The following MUC3A variants were observed in gnomAD, a reference collection of about 807,000 sequenced individuals.
MUC3A encodes the protein mucin 3A, cell surface associated.
In MUC3A, 109 loss-of-function variants were observed where a neutral mutation model predicts 109.0. The ratio of observed to expected loss-of-function variants is 1.00; its 90% CI spans 0.86 to 1.17. The LOEUF (loss-of-function observed/expected upper bound fraction) is 1.17, where lower values mean the gene tolerates loss of function less well. MUC3A is among the 50% of genes most tolerant of loss of function. The probability of loss-of-function intolerance (pLI) is 0.00; values close to 1 mark genes in which losing one functional copy is unlikely to be tolerated. For missense variants in MUC3A, 3,537 were observed against 2,469.4 expected (o/e 1.43, Z -9.16); for synonymous variants, 1,398 against 981.4 (o/e 1.42, Z -7.93).
Position 100,965,708 on chromosome 7 carries a change from C to T in MUC3A, c.9453C>T (p.Ile3151=), listed in dbSNP as rs1483559230. The T allele has an allele frequency of 1.3e-6, 2 of 1,596,928 alleles. No homozygotes were observed. The highest frequency in any genetic ancestry group is 1.7e-6 in the Non-Finnish European group (2 of 1,178,888). Residue 3151 remains isoleucine, a synonymous_variant, in exon 8 of 12, where the codon ATC becomes ATT. Transcript: ENST00000379458. ...NSKTELTPAA[I]CRRAAPTGYE... ...ATCCCCCTCCCCAACCCCCAGCCAT[C>T]TGCCGCCGCGCCGCTCCCACGGGCT... is the stretch of plus-strand genomic sequence containing the variant.
In MUC3A at chr7:100,966,576, C is replaced by G; in HGVS notation, c.9785+17C>G. 1 of 1,546,562 alleles carries G rather than the reference C, an allele frequency of 6.5e-7. No individual in the cohort carries two copies. Among genetic ancestry groups the G allele is most frequent in the Non-Finnish European group, 8.7e-7 (1 of 1,154,780 alleles). ...CCGAGGCCGGTGAGCGTGCGGGGGG[C>G]GGGGCCGGGGGGCGAGGGCAGCCAA... On this transcript the variant is annotated intron_variant, in intron 9 of 11. Coordinates refer to ENST00000379458, the MANE Select transcript of MUC3A (RefSeq NM_005960.2).
intron 5 of MUC3A, 133 bp from the exon 6 acceptor site, chr7:100,964,562 G>A: frequency 7.2e-7 from 1 of 1,393,980 alleles, no homozygotes; most frequent in Non-Finnish European, 9.5e-7. Context: ...TGAAAAGGAT[G>A]CACGTGGCAT....
At chr7:100,963,362 T>A in intron 4 of MUC3A, 96 bp downstream of exon 4, 2 of 998,638 alleles carry the variant, frequency 2.0e-6, no homozygotes, top group Non-Finnish European at 2.9e-6. Context: ...CTTGGGTCAC[T>A]GCAACCTCCG....
rs1380678323 is a variant in MUC3A at position 100,967,208 on chromosome 7, C to T, written c.*46C>T. 4.8e-5 allele frequency: 76 copies of T among 1,597,656 alleles called. No individual in the cohort carries two copies. Among genetic ancestry groups the T allele is most frequent in the Non-Finnish European group, 6.2e-5 (73 of 1,179,462 alleles). On this transcript the variant is annotated 3_prime_UTR_variant, in exon 12 of 12. Coordinates refer to ENST00000379458, the MANE Select transcript of MUC3A (RefSeq NM_005960.2). The stretch of plus-strand genomic sequence containing the variant: ...CACCCCCTCCGCCCTGCCCCGGACA[C>T]AAGGGTCTGCATTGCGTCCATTTCA...
intron 7 of MUC3A, 178 bp downstream of exon 7, chr7:100,965,525 C>A: frequency 7.1e-7 from 1 of 1,415,830 alleles, no homozygotes; most frequent in Non-Finnish European, 9.5e-7. Context: ...GCAGGGGCCA[C>A]GAGGAGAGGG....
rs1364023105 is a variant in MUC3A, at chr7:100,959,375, C to T, written c.7596C>T (p.Ile2532=). 1.9e-6 allele frequency: 3 copies of T among 1,539,268 alleles called. No individual in the cohort carries two copies. Among genetic ancestry groups the T allele is most frequent in the South Asian group, 1.3e-5 (1 of 79,246 alleles). Residue 2532 remains isoleucine, a synonymous_variant, in exon 2 of 12, where the codon ATC becomes ATT. Coordinates refer to ENST00000379458, the MANE Select transcript of MUC3A (RefSeq NM_005960.2). Reference sequence around the variant, plus strand: ...ACATCATTTCATCTTCTCCCTCCATCCAAAGTACAGAAACCTCATCCCTTG... The same window carrying T: ...ACATCATTTCATCTTCTCCCTCCATTCAAAGTACAGAAACCTCATCCCTTG... ...RTHIISSSPS[I]QSTETSSLVG...
Position 100,959,212 on chromosome 7 carries a change from C to G in MUC3A, c.7433C>G (p.Ser2478Cys), listed in dbSNP as rs757255782. ...GTGACTCCCACACCTGTAACCCCAT[C>G]TTCTCTGAGTACAGACATCCCGACC... Reference protein sequence around the residue: ...TAVTPTPVTPSSLSTDIPTTS... With the variant: ...TAVTPTPVTPCSLSTDIPTTS... Residue 2478 changes from serine to cysteine, a missense_variant, in exon 2 of 12, where the codon TCT becomes TGT. By Grantham distance (112) the Ser-to-Cys change is moderately radical. Coordinates refer to ENST00000379458, the MANE Select transcript of MUC3A (RefSeq NM_005960.2). 1.3e-6 allele frequency: 2 copies of G among 1,598,376 alleles called. No individual in the cohort carries two copies. The highest frequency in any genetic ancestry group is 2.7e-5 in the African/African-American group (2 of 74,958).
At position 100,966,489 on chromosome 7, in the gene MUC3A, GTGC is replaced by G. The variant is rs779098676; in HGVS notation, c.9727_9729del (p.Leu3243del). The G allele has an allele frequency of 8.0e-5, 106 of 1,320,396 alleles. No individual in the cohort carries two copies. The highest frequency in any genetic ancestry group is 5.9e-4 in the South Asian group (22 of 37,140). The allele number at this position is 1,320,396 out of a possible 1,614,324, so 81.8% of individuals were successfully genotyped here. On this transcript the variant is annotated inframe_deletion, in exon 9 of 12. Coordinates refer to ENST00000379458, the MANE Select transcript of MUC3A (RefSeq NM_005960.2). ...CCTGACGGCCGGCGCCGCGCTGCTG[GTGC>G]TGCTGCTGCTGGCGCTGGGCGTCCG...
Position 100,954,025 on chromosome 7 carries a change from T to A in MUC3A, c.2246T>A (p.Val749Asp). Residue 749 changes from valine to aspartate, a missense_variant, in exon 2 of 12, where the codon GTC (valine) becomes GAC (aspartate). Physicochemically the swap from Val to Asp is radical, Grantham distance 152 (BLOSUM62 -3). Transcript: ENST00000379458. ...TCTCTTCCACCCACCTCTCCCTTGG[T>A]CTCAACTGCAAAAACAGCCAAAACT... Reference protein sequence around the residue: ...ATSLPPTSPLVSTAKTAKTPT... With the variant: ...ATSLPPTSPLDSTAKTAKTPT... The A allele has an allele frequency of 2.8e-6, 1 of 361,208 alleles. No homozygotes were observed. The highest frequency in any genetic ancestry group is 5.6e-5 in the Admixed American group (1 of 17,806). 22.4% of individuals were successfully genotyped at this position (361,208 alleles called of 1,614,324 possible). A position where few individuals can be genotyped will look rare whatever the true frequency, so the allele number is the denominator to read the frequency against.
Position 100,952,005 on chromosome 7 carries a change from A to G in MUC3A, c.226A>G (p.Met76Val), listed in dbSNP as rs1231657332. 2 of 1,598,558 alleles carry G rather than the reference A, an allele frequency of 1.3e-6. No individual in the cohort carries two copies. The highest frequency in any genetic ancestry group is 2.7e-5 in the African/African-American group (2 of 74,956). Residue 76 changes from methionine to valine, a missense_variant, in exon 2 of 12, where the codon ATG (methionine) becomes GTG (valine). By Grantham distance (21) the Met-to-Val change is conservative. Coordinates refer to ENST00000379458, the MANE Select transcript of MUC3A (RefSeq NM_005960.2). The part of the protein sequence containing the change: ...PAPGHRENAP[M>V]TLTTSPHDTL... ...TCCTGGCCACAGGGAAAATGCACCTATGACACTCACTACCTCCCCCCATGA... is the reference window on the plus strand; with the variant it reads ...TCCTGGCCACAGGGAAAATGCACCTGTGACACTCACTACCTCCCCCCATGA...
At chr7:100,963,388 T>G in intron 4 of MUC3A, 122 bp downstream of exon 4, 1 of 859,322 alleles carries the variant, frequency 1.2e-6, no homozygotes, top group South Asian at 1.7e-5. Flanking sequence ...CGGGTTCACA[T>G]GATTCTCTTG....
chr7:100,959,508 C>CTAA lies in MUC3A; in HGVS notation c.7729_7730insTAA (p.Pro2577delinsLeuThr), dbSNP rs1792239662. On this transcript the variant is annotated protein_altering_variant, in exon 2 of 12. Coordinates refer to ENST00000379458, the MANE Select transcript of MUC3A (RefSeq NM_005960.2). ...AAGTATTGTTGTTATACCTGAAACCCCAACACAGACCCCTCCTGTACTGAC... is the reference window on the plus strand; with the variant it reads ...AAGTATTGTTGTTATACCTGAAACCCTAACAACACAGACCCCTCCTGTACTGAC... 1.0e-6 allele frequency: 1 copy of CTAA among 1,001,026 alleles called. No individual in the cohort carries two copies. The highest frequency in any genetic ancestry group is 1.6e-5 in the African/African-American group (1 of 62,548). The allele number at this position is 1,001,026 out of a possible 1,614,324, so 62.0% of individuals were successfully genotyped here.
In MUC3A at chr7:100,954,470, A is replaced by G. The variant is rs1466205129; in HGVS notation, c.2691A>G (p.Thr897=). ...TCACAAGTACTGAGAACACTCCAACAAGGTCCCTCCTGACAAGCTTTCCAA... is the reference window on the plus strand; with the variant it reads ...TCACAAGTACTGAGAACACTCCAACGAGGTCCCTCCTGACAAGCTTTCCAA... ...PTFTSTENTP[T]RSLLTSFPMT... The change falls in exon 2 of 12, where the codon ACA becomes ACG. Residue 897 remains threonine (T), a synonymous_variant. Transcript: ENST00000379458. 5 of 405,714 alleles carry G rather than the reference A, an allele frequency of 1.2e-5. No individual in the cohort carries two copies. In the Admixed American group the frequency reaches 1.3e-4, roughly 11 times the overall value. 25.1% of individuals were successfully genotyped at this position (405,714 alleles called of 1,614,324 possible).
At position 100,958,644 on chromosome 7, in the gene MUC3A, A is replaced by C. The variant is rs767175173; in HGVS notation, c.6865A>C (p.Ser2289Arg). Residue 2289 changes from serine to arginine, a missense_variant, in exon 2 of 12, where the codon AGC becomes CGC. By Grantham distance (110) the Ser-to-Arg change is moderately radical. Coordinates refer to ENST00000379458, the MANE Select transcript of MUC3A (RefSeq NM_005960.2). ...TSETPSHSTP[S>R]STSLITTTKT... is the part of the protein sequence containing the mutation. ...TGAGACCCCCTCACACAGTACTCCC[A>C]GCTCCACTTCTTTAATCACCACCAC... The C allele has an allele frequency of 2.5e-5, 33 of 1,298,076 alleles. No homozygotes were observed. In the East Asian group the frequency reaches 3.5e-4, roughly 14 times the overall value. The allele number at this position is 1,298,076 out of a possible 1,614,324, so 80.4% of individuals were successfully genotyped here.
rs1473937306 is a variant in MUC3A, at chr7:100,963,155, A to C, written c.9057A>C (p.Val3019=). The C allele has an allele frequency of 8.1e-6, 13 of 1,598,066 alleles. No individual in the cohort carries two copies. Among genetic ancestry groups the C allele is most frequent in the East Asian group, 2.2e-5 (1 of 44,892 alleles). Residue 3019 remains valine, a synonymous_variant, in exon 4 of 12, where the codon GTA becomes GTC. Transcript: ENST00000379458. The part of the protein sequence containing the change: ...EFAVEQVDLD[V]VETEVGMEVS... The stretch of plus-strand genomic sequence containing the variant: ...GGACATGCATGCTCTGTGTAGATGT[A>C]GTGGAGACCGAGGTGGGCATGGAAG...
At chr7:100,961,780 AC>A (rs1792338188) in intron 3 of MUC3A, among the ~76,000 whole-genome samples, 1 of 152,308 alleles carries the variant, frequency 6.6e-6, no homozygotes, top group Non-Finnish European at 1.5e-5. Context: ...GCCACTGCAC[AC>A]TAGCGTAGAT....
intron 1 of MUC3A, 139 bp downstream of exon 1, chr7:100,949,824 G>C: frequency 1.4e-6 from 1 of 718,746 alleles, no homozygotes. Flanking sequence ...AGGGAGAACC[G>C]AGGCACGGCC....
In MUC3A at chr7:100,964,681, T is replaced by C. The variant is rs1216841976; in HGVS notation, c.9234-14T>C. On this transcript the variant is annotated splice_polypyrimidine_tract_variant and intron_variant, in intron 5 of 11. Transcript: ENST00000379458. ...TCCTGGCTGGGGCACTCTCTAAGGCTGTGGACCCCTCAGGAATGGCAGCAT... is the reference window on the plus strand; with the variant it reads ...TCCTGGCTGGGGCACTCTCTAAGGCCGTGGACCCCTCAGGAATGGCAGCAT... 1.3e-6 allele frequency: 2 copies of C among 1,597,234 alleles called. No homozygotes were observed. The highest frequency in any genetic ancestry group is 1.7e-6 in the Non-Finnish European group (2 of 1,179,038).
At chr7:100,963,617 T>C in intron 4 of MUC3A, 71 bp from the exon 5 acceptor site, 1 of 1,596,102 alleles carries the variant, frequency 6.3e-7, no homozygotes, top group Non-Finnish European at 8.5e-7. Context: ...TCCCTGGAGC[T>C]GGGGTTGGGC....
Sources: gnomAD v4.1 joint callset for allele counts (sites outside exome capture counted in the v4.1 genomes callset) on GRCh38, gnomAD v4.1.1 for gene constraint, MANE v1.5 for transcripts, NCBI Gene and HGNC (gene_info 2026-07-23, HGNC 2026-07-21) for gene names.